The following RGS12 variants were observed in gnomAD, a reference collection of about 807,000 sequenced individuals.
The protein encoded by RGS12 is regulator of G protein signaling 12, also known as regulator of G-protein signaling 12.
Under a neutral mutation model 120.1 loss-of-function variants are expected in RGS12, and 66 were observed. That is an observed-to-expected ratio of 0.55 (90% CI 0.45 to 0.67). RGS12 has a LOEUF of 0.67. Ranked by LOEUF, RGS12 falls within the 30% of genes least tolerant of loss-of-function variation. The pLI, the probability that RGS12 is intolerant of heterozygous loss-of-function variation, is 0.00. For synonymous variants in RGS12, 827 were observed against 804.7 expected (o/e 1.03, Z -0.47); for missense variants, 1,859 against 1,957.7 (o/e 0.95, Z 0.95).
intron 3 of RGS12, among the ~76,000 whole-genome samples, chr4:3,384,627 G>T (rs1718629424): frequency 6.6e-6 from 1 of 152,212 alleles, no homozygotes; most frequent in African/African-American, 2.4e-5. Context: ...GTGGCTTCAG[G>T]GGTGTGTGCT....
chr4:3,398,805 C>T (rs1720300305), intron 4 of RGS12, among the ~76,000 whole-genome samples: 1 of 151,492 alleles, frequency 6.6e-6, no homozygotes, highest in Admixed American at 6.6e-5. Context: ...CTAACAGACA[C>T]ATAGAGAGCT....
upstream of RGS12, among the ~76,000 whole-genome samples, chr4:3,292,792 G>T (rs879429809): frequency 1.1e-4 from 16 of 152,174 alleles, no homozygotes; most frequent in African/African-American, 2.4e-4. Context: ...TCCCGCCCCC[G>T]GCCGTGGAGG....
Position 3,422,336 on chromosome 4 carries a change from C to T in RGS12, c.2839-40C>T, listed in dbSNP as rs369343685. The T allele has an allele frequency of 3.2e-4, 498 of 1,570,260 alleles. 1 individual carries two copies. Among genetic ancestry groups the T allele is most frequent in the Middle Eastern group, 2.0e-3 (12 of 5,950 alleles). Reference sequence around the variant, plus strand: ...TGGGAGGTGCCCCGCACCCCTGTGACGCTGGTTCCCTCACGGCTGCTTGTC... The same window carrying T: ...TGGGAGGTGCCCCGCACCCCTGTGATGCTGGTTCCCTCACGGCTGCTTGTC... On this transcript the variant is annotated intron_variant, in intron 10 of 17. Coordinates refer to ENST00000336727, the MANE Select transcript of RGS12 (RefSeq NM_001394154.1).
At chr4:3,300,569 G>A (rs1578672982) in intron 1 of RGS12, among the ~76,000 whole-genome samples, 1 of 152,100 alleles carries the variant, frequency 6.6e-6, no homozygotes, top group Non-Finnish European at 1.5e-5. Context: ...CCCCGGTCCC[G>A]TCACAGTTCT....
At chr4:3,333,649 T>C (rs956272853) in intron 2 of RGS12, among the ~76,000 whole-genome samples, 1 of 152,244 alleles carries the variant, frequency 6.6e-6, no homozygotes, top group African/African-American at 2.4e-5. Flanking sequence ...CATGTGTTCA[T>C]GTGCGTGTGG....
chr4:3,399,640 T>C (rs572162833), intron 4 of RGS12, among the ~76,000 whole-genome samples: 1 of 152,268 alleles, frequency 6.6e-6, no homozygotes, highest in African/African-American at 2.4e-5. Context: ...TAAGAAGAAG[T>C]AGAAACTGAT....
At chr4:3,325,663 T>C (rs1409799181) in intron 2 of RGS12, among the ~76,000 whole-genome samples, 1 of 152,166 alleles carries the variant, frequency 6.6e-6, no homozygotes, top group Non-Finnish European at 1.5e-5. Context: ...AAATGGAGGA[T>C]GAGGGATTTC....
intron 3 of RGS12, among the ~76,000 whole-genome samples, chr4:3,355,261 G>A (rs1714759370): frequency 6.6e-6 from 1 of 152,150 alleles, no homozygotes; most frequent in African/African-American, 2.4e-5. Flanking sequence ...AAAGTTAAAA[G>A]AATTAAAGGG....
In RGS12 at chr4:3,374,428, C is replaced by T. The variant is rs1022640185; in HGVS notation, c.1999-11988C>T. On this transcript the variant is annotated intron_variant, in intron 3 of 17. Coordinates refer to ENST00000336727, the MANE Select transcript of RGS12 (RefSeq NM_001394154.1). The surrounding 1 kb of genome is among the most constrained non-coding windows in gnomAD (Gnocchi z 6.3). ...CTCGATTCGTCCCTCGCATGCTGCC[C>T]TCCCAGCCTGGCCCTGCAGCAGACA... 1.3e-5 allele frequency among the ~76,000 whole-genome samples: 2 copies of T among 152,180 alleles called. No homozygotes were observed. Among genetic ancestry groups the T allele is most frequent in the Admixed American group, 1.3e-4 (2 of 15,286 alleles).
At chr4:3,428,525 G>A in intron 15 of RGS12, 33 bp from the exon 16 acceptor site, 1 of 1,544,588 alleles carries the variant, frequency 6.5e-7, no homozygotes, top group Middle Eastern at 1.8e-4. Flanking sequence ...GTATTGAAAT[G>A]AAAGTAGAAC....
chr4:3,420,573 A>T, intron 9 of RGS12, 69 bp from the exon 10 acceptor site: 2 of 1,499,006 alleles, frequency 1.3e-6, no homozygotes, highest in Non-Finnish European at 1.9e-6. Flanking sequence ...AAGGGGGCAG[A>T]GGGTTGGGAG....
At chr4:3,396,076 T>G (rs947457332) in intron 4 of RGS12, among the ~76,000 whole-genome samples, 1 of 152,226 alleles carries the variant, frequency 6.6e-6, no homozygotes, top group Admixed American at 6.5e-5. Flanking sequence ...GTTGTATTGT[T>G]ATTTTTTTTC....
At chr4:3,295,828 G>C (rs2110346226) in intron 1 of RGS12, among the ~76,000 whole-genome samples, 1 of 152,282 alleles carries the variant, frequency 6.6e-6, no homozygotes, top group Non-Finnish European at 1.5e-5. Flanking sequence ...CATTTTATTT[G>C]AATTTGGTGG....
chr4:3,307,784 T>A (rs999760557), intron 1 of RGS12, among the ~76,000 whole-genome samples: 1 of 152,238 alleles, frequency 6.6e-6, no homozygotes, highest in Non-Finnish European at 1.5e-5. Context: ...GCAGAACTCC[T>A]TTAAGTGCCC....
At chr4:3,422,256 C>T (rs528595957) in intron 10 of RGS12, 120 bp from the exon 11 acceptor site, 72 of 933,162 alleles carry the variant, frequency 7.7e-5, no homozygotes, top group Non-Finnish European at 1.0e-4. Flanking sequence ...CAGGTGGGAC[C>T]GTGGCAGGGC....
chr4:3,404,709 C>T (rs574974077), intron 4 of RGS12, among the ~76,000 whole-genome samples: 7 of 152,314 alleles, frequency 4.6e-5, no homozygotes, highest in African/African-American at 9.6e-5. Context: ...GCAGTGTGTG[C>T]GTGTGCATCC....
intron 10 of RGS12, among the ~76,000 whole-genome samples, chr4:3,420,924 C>T (rs1306304222): frequency 3.3e-5 from 5 of 152,258 alleles, no homozygotes; most frequent in Admixed American, 2.6e-4. Context: ...CTCATGGTCC[C>T]CCAGCCTAGG....
At chr4:3,358,920 TC>T (rs551985404) in intron 3 of RGS12, among the ~76,000 whole-genome samples, 1,765 of 63,682 alleles carry the variant, frequency 0.028, 33 homozygotes, top group Middle Eastern at 0.058. Flanking sequence ...CTCCTCTCTG[TC>T]CCCCCCTCCT....
At chr4:3,354,930 G>T (rs1297754351) in intron 3 of RGS12, among the ~76,000 whole-genome samples, 1 of 152,138 alleles carries the variant, frequency 6.6e-6, no homozygotes, top group Non-Finnish European at 1.5e-5. Flanking sequence ...AATAAAGAAA[G>T]ATTATTTCCC....
Sources: gnomAD v4.1 joint callset for allele counts (sites outside exome capture counted in the v4.1 genomes callset) on GRCh38, gnomAD v4.1.1 for gene constraint, Gnocchi (gnomAD v3.1) non-coding constraint, MANE v1.5 for transcripts, NCBI Gene and HGNC (gene_info 2026-07-23, HGNC 2026-07-21) for gene names.